BCL11A: variants seen among roughly 807,000 people sequenced by gnomAD.
BCL11A encodes BCL11 transcription factor A, also known as B cell CLL/lymphoma 11A.
In BCL11A, 2 loss-of-function variants were observed where a neutral mutation model predicts 55.9. The ratio of observed to expected loss-of-function variants is 0.04; its 90% CI spans 0.01 to 0.11. The LOEUF (loss-of-function observed/expected upper bound fraction) is 0.11, where lower values mean the gene tolerates loss of function less well. BCL11A is among the 10% of genes least tolerant of loss of function. BCL11A has a pLI of 1.00. For missense variants in BCL11A, 817 were observed against 1,137.1 expected, an observed-to-expected ratio of 0.72 and a Z score of 4.05; for synonymous variants, 465 against 473.4, an observed-to-expected ratio of 0.98 and a Z score of 0.23.
intron 2 of BCL11A, among the ~76,000 whole-genome samples, chr2:60,508,401 C>T (rs1679768188): frequency 6.6e-6 from 1 of 152,166 alleles, no homozygotes; most frequent in Non-Finnish European, 1.5e-5. Context: ...CAGCCGGGTC[C>T]CTGAGTCTGA....
chr2:60,463,322 G>A (rs1194913819), intron 3 of BCL11A, among the ~76,000 whole-genome samples: 1 of 152,224 alleles, frequency 6.6e-6, no homozygotes. Flanking sequence ...CCTAGTTTAA[G>A]GAACAGTTAA....
intron 2 of BCL11A, among the ~76,000 whole-genome samples, chr2:60,489,041 T>C (rs1380903823): frequency 6.6e-6 from 1 of 152,164 alleles, no homozygotes; most frequent in Non-Finnish European, 1.5e-5. Context: ...ATTATAGGCA[T>C]AAGCTACCAC....
chr2:60,515,045 C>T (rs1668672504), intron 2 of BCL11A, among the ~76,000 whole-genome samples: 1 of 152,136 alleles, frequency 6.6e-6, no homozygotes, highest in Non-Finnish European at 1.5e-5. Context: ...CCACTACCAG[C>T]TTCCCACACC....
At position 60,459,146 on chromosome 2, in the gene BCL11A, T is replaced by C. The variant is rs1000784838; in HGVS notation, c.*1258A>G. 3 of 1,023,716 alleles carry C rather than the reference T, an allele frequency of 2.9e-6. No homozygotes were observed. Among genetic ancestry groups the C allele is most frequent in the Non-Finnish European group, 3.5e-6 (3 of 852,592 alleles). 63.4% of individuals were successfully genotyped at this position (1,023,716 alleles called of 1,614,324 possible). ...GCTAATAAATCATATTATTTTCTTCTGTTCCCCTCTGTCAAACCTTATTGT... is the reference window on the plus strand; with the variant it reads ...GCTAATAAATCATATTATTTTCTTCCGTTCCCCTCTGTCAAACCTTATTGT... On this transcript the variant is annotated 3_prime_UTR_variant, in exon 4 of 4. Transcript: ENST00000642384.
At chr2:60,511,712 G>A (rs1401458823) in intron 2 of BCL11A, among the ~76,000 whole-genome samples, 1 of 152,132 alleles carries the variant, frequency 6.6e-6, no homozygotes, top group Non-Finnish European at 1.5e-5. Flanking sequence ...TATTTTCCAA[G>A]CCACAGAAAA....
At chr2:60,451,949 C>G in exon 5 of BCL11A, 1 of 228,888 alleles carries the variant, frequency 4.4e-6, no homozygotes, top group Non-Finnish European at 8.7e-6. Flanking sequence ...GATTTATTCC[C>G]AAGTTTTGCA....
chr2:60,481,029 G>A (rs927553175), intron 2 of BCL11A, among the ~76,000 whole-genome samples: 3 of 152,206 alleles, frequency 2.0e-5, no homozygotes, highest in Non-Finnish European at 4.4e-5. Flanking sequence ...GAAGCCCCCA[G>A]CTGCCTCCCT....
chr2:60,479,329 G>A (rs149828740), intron 2 of BCL11A, among the ~76,000 whole-genome samples: 71 of 152,288 alleles, frequency 4.7e-4, no homozygotes, highest in African/African-American at 1.5e-3. Flanking sequence ...GGTGGGACCC[G>A]GAGACCATTT....
intron 2 of BCL11A, among the ~76,000 whole-genome samples, chr2:60,497,234 G>C (rs1294335251): frequency 6.6e-6 from 1 of 152,226 alleles, no homozygotes; most frequent in East Asian, 1.9e-4. Flanking sequence ...TAATGAGCTA[G>C]AGAAACATTC....
chr2:60,550,746 G>C, intron 1 of BCL11A: 1 of 398,424 alleles, frequency 2.5e-6, no homozygotes, highest in Non-Finnish European at 4.4e-6. Context: ...AGGGAGAGGG[G>C]TACGAGGGAG....
chr2:60,550,496 C>G (rs1670361337), intron 1 of BCL11A, among the ~76,000 whole-genome samples: 1 of 148,826 alleles, frequency 6.7e-6, no homozygotes, highest in Admixed American at 6.7e-5. Flanking sequence ...GTTCGCTGAG[C>G]TTTCTTGATC....
At chr2:60,545,726 G>T in intron 2 of BCL11A, 1 of 483,644 alleles carries the variant, frequency 2.1e-6, no homozygotes, top group South Asian at 2.6e-5. Context: ...GACAGATCCA[G>T]AGAGAAGGTG....
At chr2:60,495,618 A>G (rs1459110761) in intron 2 of BCL11A, 3 of 152,256 alleles carry the variant, frequency 2.0e-5, no homozygotes, top group African/African-American at 7.2e-5. Flanking sequence ...TGGGGTGCAG[A>G]CATTCTCTGC....
intron 2 of BCL11A, among the ~76,000 whole-genome samples, chr2:60,492,062 G>A (rs111509428): frequency 7.2e-4 from 110 of 152,308 alleles, no homozygotes; most frequent in African/African-American, 2.4e-3. Context: ...TCCGCTTAAG[G>A]AGAAGACATA....
chr2:60,518,379 T>C (rs1357620113), intron 2 of BCL11A, among the ~76,000 whole-genome samples: 1 of 152,242 alleles, frequency 6.6e-6, no homozygotes, highest in Non-Finnish European at 1.5e-5. Flanking sequence ...AGAATTTGGC[T>C]ACTACTTAGT....
At chr2:60,467,133 TGGTGTTGGTGGTG>T (rs1167453781) in intron 3 of BCL11A, among the ~76,000 whole-genome samples, 4 of 140,928 alleles carry the variant, frequency 2.8e-5, no homozygotes, top group African/African-American at 1.1e-4. Context: ...GTGGTGATGG[TGGTGTTGGTGGTG>T]ATGGTGGTGG....
chr2:60,502,567 A>G (rs72962585), intron 2 of BCL11A, among the ~76,000 whole-genome samples: 7,835 of 152,260 alleles, frequency 0.051, 637 homozygotes, highest in African/African-American at 0.18. Flanking sequence ...TCTTCCTCCA[A>G]CATCCAAAAG....
intron 2 of BCL11A, among the ~76,000 whole-genome samples, chr2:60,490,192 A>G (rs1049494800): frequency 2.6e-5 from 4 of 152,216 alleles, no homozygotes; most frequent in African/African-American, 9.6e-5. Context: ...CCTCTAGAAC[A>G]TATAAGTCAA....
At chr2:60,490,256 C>A (rs916194796) in intron 2 of BCL11A, among the ~76,000 whole-genome samples, 1 of 152,168 alleles carries the variant, frequency 6.6e-6, no homozygotes, top group African/African-American at 2.4e-5. Flanking sequence ...AACTCATCCA[C>A]CCCCTTTGCA....
Sources: gnomAD v4.1 joint callset for allele counts (sites outside exome capture counted in the v4.1 genomes callset) on GRCh38, gnomAD v4.1.1 for gene constraint, MANE v1.5 for transcripts, NCBI Gene and HGNC (gene_info 2026-07-23, HGNC 2026-07-21) for gene names.